NT5M: variants seen among roughly 807,000 people sequenced by gnomAD.
The protein encoded by NT5M is 5'(3')-deoxyribonucleotidase, mitochondrial.
Under a neutral mutation model 22.2 loss-of-function variants are expected in NT5M, and 22 were observed. The observed-to-expected ratio is 0.99, with a 90% CI of 0.71 to 1.41. The LOEUF (loss-of-function observed/expected upper bound fraction) is 1.41, where lower values mean the gene tolerates loss of function less well. Ranked by LOEUF, NT5M falls within the 40% of genes most tolerant of loss-of-function variation. The probability of loss-of-function intolerance (pLI) is 0.00; values close to 1 mark genes in which losing one functional copy is unlikely to be tolerated. For synonymous variants in NT5M, 167 were observed against 133.0 expected (o/e 1.26, Z -1.76); for missense variants, 322 against 314.8 (o/e 1.02, Z -0.17).
intron 1 of NT5M, 93 bp from the exon 2 acceptor site, chr17:17,306,450 A>T: frequency 3.6e-6 from 3 of 828,284 alleles, no homozygotes; most frequent in South Asian, 2.9e-5. Flanking sequence ...GGAATGAAGA[A>T]CCACTCCCCC....
chr17:17,306,460 C>A, intron 1 of NT5M, 83 bp from the exon 2 acceptor site: 1 of 912,926 alleles, frequency 1.1e-6, no homozygotes, highest in Admixed American at 1.8e-5. Flanking sequence ...ACCACTCCCC[C>A]TATAGCCTGG....
chr17:17,303,935 A>T, intron 1 of NT5M, 118 bp downstream of exon 1: 1 of 1,315,682 alleles, frequency 7.6e-7, no homozygotes, highest in Non-Finnish European at 9.7e-7. Context: ...GCCCTCTGAT[A>T]GAATAGGGTC....
chr17:17,303,911 C>A, intron 1 of NT5M, 94 bp downstream of exon 1: 1 of 1,312,576 alleles, frequency 7.6e-7, no homozygotes, highest in South Asian at 2.0e-5. Context: ...GGTCAGCGCC[C>A]CAGCCTCGGG....
At chr17:17,329,135 G>A (rs1288457022) in intron 3 of NT5M, among the ~76,000 whole-genome samples, 1 of 152,082 alleles carries the variant, frequency 6.6e-6, no homozygotes, top group East Asian at 1.9e-4. Context: ...CTGCTACCAC[G>A]CCGAGCTAAT....
chr17:17,316,412 G>A lies in NT5M; in HGVS notation c.369-6773G>A, dbSNP rs917598063. 2.0e-5 allele frequency among the ~76,000 whole-genome samples: 3 copies of A among 148,500 alleles called. No individual in the cohort carries two copies. In the Admixed American group the frequency reaches 2.1e-4, roughly 10 times the overall value. ...TTATTCGAGACAGAGTTTCACTCTT[G>A]TCATCCAGGCTGGAGTGCAATGGCA... On this transcript the variant is annotated intron_variant, in intron 2 of 4. Transcript: ENST00000389022.
chr17:17,344,960 C>A, intron 4 of NT5M, 52 bp downstream of exon 4: 1 of 1,609,824 alleles, frequency 6.2e-7, no homozygotes, highest in African/African-American at 1.3e-5. Flanking sequence ...CCAGCCTTGG[C>A]CCCCTTCTCC....
At chr17:17,341,885 G>C (rs1320966763) in intron 3 of NT5M, among the ~76,000 whole-genome samples, 3 of 152,084 alleles carry the variant, frequency 2.0e-5, no homozygotes, top group African/African-American at 7.2e-5. Flanking sequence ...AAAGAACTTA[G>C]CCAGGCATGG....
intron 3 of NT5M, among the ~76,000 whole-genome samples, chr17:17,343,259 A>C (rs2049685976): frequency 6.6e-6 from 1 of 152,000 alleles, no homozygotes; most frequent in African/African-American, 2.4e-5. Flanking sequence ...GTGTGTGTGC[A>C]TGTGTGTGTG....
intron 3 of NT5M, among the ~76,000 whole-genome samples, chr17:17,341,369 C>T (rs1351137813): frequency 2.0e-5 from 3 of 152,204 alleles, no homozygotes; most frequent in African/African-American, 4.8e-5. Flanking sequence ...ACTGACCTCA[C>T]AGTGGAAGTC....
At position 17,330,686 on chromosome 17, in the gene NT5M, A is replaced by T. The variant is rs183120733; in HGVS notation, c.429+7441A>T. ...CCACCGCGCCTGGCCAACATAGACC[A>T]TTTTTTTTTTAACTTAAGATAATGA... On this transcript the variant is annotated intron_variant, in intron 3 of 4. Transcript: ENST00000389022. Among the ~76,000 whole-genome samples the T allele has an allele frequency of 7.6e-4, 105 of 137,858 alleles. 2 individuals carry two copies. In the East Asian group the frequency reaches 0.019, roughly 24 times the overall value. 90.4% of individuals were successfully genotyped at this position (137,858 alleles called of 152,430 possible).
At position 17,332,977 on chromosome 17, in the gene NT5M, T is replaced by C. The variant is rs1013776653; in HGVS notation, c.429+9732T>C. Among the ~76,000 whole-genome samples, 4 of 152,200 alleles carry C rather than the reference T, an allele frequency of 2.6e-5. No homozygotes were observed. In the East Asian group the frequency reaches 5.8e-4, roughly 22 times the overall value. On this transcript the variant is annotated intron_variant, in intron 3 of 4. Transcript: ENST00000389022. ...AAAGTCTCTTAAAAAAAATCCACAG[T>C]GAATGAGAGTCCCTCTTGCTCCCTA...
chr17:17,306,573 A>G lies in NT5M; in HGVS notation c.298A>G (p.Asn100Asp), dbSNP rs1221384453. 3.7e-6 allele frequency: 6 copies of G among 1,613,926 alleles called. No individual in the cohort carries two copies. The highest frequency in any genetic ancestry group is 3.3e-5 in the South Asian group (3 of 91,068). The part of the protein sequence containing the change: ...EKAISIWESK[N>D]FFFELEPLPG... ...GGCCATCAGCATTTGGGAGTCAAAGAATTTCTTTTTTGAACTTGAGCCTCT... is the reference window on the plus strand; with the variant it reads ...GGCCATCAGCATTTGGGAGTCAAAGGATTTCTTTTTTGAACTTGAGCCTCT... The change falls in exon 2 of 5, where the codon AAT becomes GAT. Residue 100 changes from asparagine to aspartate, a missense_variant. Coordinates refer to ENST00000389022, the MANE Select transcript of NT5M (RefSeq NM_020201.4).
intron 3 of NT5M, among the ~76,000 whole-genome samples, chr17:17,329,248 G>A (rs527595102): frequency 6.6e-6 from 1 of 152,326 alleles, no homozygotes; most frequent in African/African-American, 2.4e-5. Context: ...AAGGTGCTGG[G>A]ATTACAGGCG....
chr17:17,330,941 T>C lies in NT5M; in HGVS notation c.429+7696T>C, dbSNP rs1419168813. Among the ~76,000 whole-genome samples, 489 of 149,102 alleles carry C rather than the reference T, an allele frequency of 3.3e-3. 5 individuals are homozygous for C. The highest frequency in any genetic ancestry group is 0.012 in the African/African-American group (464 of 38,844). ...GTATTTTAGTAGAGATGGGGTTTCA[T>C]CGTGTTGCCCAGGCTAGTCTTGAAC... On this transcript the variant is annotated intron_variant, in intron 3 of 4. Coordinates refer to ENST00000389022, the MANE Select transcript of NT5M (RefSeq NM_020201.4).
rs1413820867 is a variant in NT5M at position 17,318,210 on chromosome 17, C to T, written c.369-4975C>T. Among the ~76,000 whole-genome samples, 4 of 152,140 alleles carry T rather than the reference C, an allele frequency of 2.6e-5. No individual in the cohort carries two copies. In the East Asian group the frequency reaches 7.7e-4, roughly 29 times the overall value. On this transcript the variant is annotated intron_variant, in intron 2 of 4. Coordinates refer to ENST00000389022, the MANE Select transcript of NT5M (RefSeq NM_020201.4). ...AAGGAATGACTGCCGGGCATGGTGGCTCATGCCTGTAATCCCAGCACTTTG... is the reference window on the plus strand; with the variant it reads ...AAGGAATGACTGCCGGGCATGGTGGTTCATGCCTGTAATCCCAGCACTTTG...
intron 3 of NT5M, among the ~76,000 whole-genome samples, chr17:17,331,627 G>A (rs1254955842): frequency 1.3e-5 from 2 of 150,794 alleles, no homozygotes; most frequent in Non-Finnish European, 2.9e-5. Context: ...ACAGAGTCTC[G>A]TTCTGTTGCC....
chr17:17,305,563 G>A (rs1180687563), intron 1 of NT5M, among the ~76,000 whole-genome samples: 1 of 152,124 alleles, frequency 6.6e-6, no homozygotes, highest in Non-Finnish European at 1.5e-5. Flanking sequence ...AGTCCCTGTG[G>A]TTCCTGAGAG....
chr17:17,321,935 G>T (rs1483865707), intron 2 of NT5M, among the ~76,000 whole-genome samples: 1 of 151,986 alleles, frequency 6.6e-6, no homozygotes, highest in East Asian at 1.9e-4. Context: ...ACGAGGTTTT[G>T]GGGGGAAGTG....
At position 17,334,478 on chromosome 17, in the gene NT5M, G is replaced by GTT. The variant is rs35096596; in HGVS notation, c.430-10298_430-10297dup. ...ATACCACACTGTCTCAGTTACTGTAGTTTTTTTTTTTTTTTTTTTGAGATG... is the reference window on the plus strand; with the variant it reads ...ATACCACACTGTCTCAGTTACTGTAGTTTTTTTTTTTTTTTTTTTTTGAGATG... On this transcript the variant is annotated intron_variant, in intron 3 of 4. Coordinates refer to ENST00000389022, the MANE Select transcript of NT5M (RefSeq NM_020201.4). Among the ~76,000 whole-genome samples the GTT allele has an allele frequency of 3.3e-3, 401 of 119,992 alleles. 5 individuals carry two copies. Among genetic ancestry groups the GTT allele is most frequent in the African/African-American group, 9.2e-3 (288 of 31,446 alleles). 78.7% of individuals were successfully genotyped at this position (119,992 alleles called of 152,430 possible).
Sources: gnomAD v4.1 joint callset for allele counts (sites outside exome capture counted in the v4.1 genomes callset) on GRCh38, gnomAD v4.1.1 for gene constraint, MANE v1.5 for transcripts, NCBI Gene and HGNC (gene_info 2026-07-23, HGNC 2026-07-21) for gene names.